Variants in SETBP1 observed in about 807,000 individuals in gnomAD.
SETBP1 encodes SET-binding protein.
SETBP1 carries 9 observed loss-of-function variants against 101.0 expected under a neutral mutation model. The observed-to-expected ratio is 0.09, with a 90% CI of 0.05 to 0.16. The LOEUF is 0.16. Among genes scored for constraint, SETBP1 ranks in the 10% least tolerant of loss-of-function variants. The pLI is 1.00. For missense variants in SETBP1, 1,858 were observed against 2,033.8 expected (o/e 0.91, Z 1.66); for synonymous variants, 818 against 788.5 (o/e 1.04, Z -0.63).
intron 3 of SETBP1, among the ~76,000 whole-genome samples, chr18:44,934,116 A>G (rs977442606): frequency 2.0e-5 from 3 of 149,214 alleles, no homozygotes; most frequent in African/African-American, 7.4e-5. Flanking sequence ...TCTTAACACA[A>G]CCCCATCAGG....
At chr18:44,876,679 C>A (rs1397383511) in intron 3 of SETBP1, 35 of 1,542,126 alleles carry the variant, frequency 2.3e-5, no homozygotes, top group Non-Finnish European at 3.1e-5. Context: ...CCCCCGGAAC[C>A]CATTCCCCGC....
chr18:44,932,781 A>G (rs1170971795), intron 3 of SETBP1, among the ~76,000 whole-genome samples: 2 of 152,100 alleles, frequency 1.3e-5, no homozygotes, highest in Non-Finnish European at 2.9e-5. Flanking sequence ...TGCCATGGTC[A>G]TTTAAGGACT....
intron 4 of SETBP1, among the ~76,000 whole-genome samples, chr18:44,962,618 C>A (rs1010090822): frequency 6.6e-6 from 1 of 152,026 alleles, no homozygotes; most frequent in Non-Finnish European, 1.5e-5. Context: ...AAATCAAAAC[C>A]CATTCTACAA....
At chr18:44,724,037 G>A (rs992800838) in intron 2 of SETBP1, among the ~76,000 whole-genome samples, 4 of 152,142 alleles carry the variant, frequency 2.6e-5, no homozygotes, top group Non-Finnish European at 4.4e-5. Flanking sequence ...CATTGCCAAC[G>A]AAAAAGTCCT....
chr18:44,966,746 T>C (rs1026330003), intron 4 of SETBP1, among the ~76,000 whole-genome samples: 2 of 152,200 alleles, frequency 1.3e-5, no homozygotes, highest in African/African-American at 4.8e-5. Context: ...CGCAGCTTAG[T>C]AGAGCAAAGA....
At chr18:44,708,986 T>C (rs1003828659) in intron 2 of SETBP1, among the ~76,000 whole-genome samples, 6 of 152,230 alleles carry the variant, frequency 3.9e-5, no homozygotes, top group African/African-American at 1.4e-4. Flanking sequence ...TCTAAAATCA[T>C]GGGAGCAAGG....
At chr18:44,909,243 C>T (rs2070246920) in intron 3 of SETBP1, among the ~76,000 whole-genome samples, 1 of 152,200 alleles carries the variant, frequency 6.6e-6, no homozygotes, top group South Asian at 2.1e-4. Context: ...CTGAAAGTGG[C>T]TTGTCTTCAG....
chr18:44,787,070 G>A lies in SETBP1; in HGVS notation c.487-82160G>A, dbSNP rs371173240. ...CTTTGATGCCCTGTCAGTTTTATTC[G>A]GATGGTGTGTAGTAACATAGAAGGG... is the stretch of plus-strand genomic sequence containing the variant. On this transcript the variant is annotated intron_variant, in intron 2 of 5. Transcript: ENST00000649279. Among the ~76,000 whole-genome samples, 195 of 152,238 alleles carry A rather than the reference G, an allele frequency of 1.3e-3. 2 individuals are homozygous for A. The highest frequency in any genetic ancestry group is 4.1e-3 in the African/African-American group (170 of 41,538).
At chr18:45,021,665 T>C (rs1000087346) in intron 4 of SETBP1, among the ~76,000 whole-genome samples, 3 of 152,138 alleles carry the variant, frequency 2.0e-5, no homozygotes, top group Non-Finnish European at 4.4e-5. Context: ...AGAGCAAATA[T>C]ATAAAAATTC....
At chr18:45,023,978 T>A (rs74414707) in intron 4 of SETBP1, among the ~76,000 whole-genome samples, 6,464 of 152,282 alleles carry the variant, frequency 0.042, 453 homozygotes, top group African/African-American at 0.15. Flanking sequence ...CCAAGGACCG[T>A]CTGGCTCCAG....
chr18:44,888,894 A>G (rs1162567312), intron 3 of SETBP1, among the ~76,000 whole-genome samples: 1 of 152,124 alleles, frequency 6.6e-6, no homozygotes, highest in Admixed American at 6.6e-5. Context: ...TATGTTTGAA[A>G]TGGTACCTAC....
At chr18:44,751,547 G>A (rs1424092163) in intron 2 of SETBP1, among the ~76,000 whole-genome samples, 3 of 151,156 alleles carry the variant, frequency 2.0e-5, no homozygotes, top group Non-Finnish European at 4.4e-5. Flanking sequence ...GTTATTTGCA[G>A]GTTTTATTGT....
At chr18:44,912,041 G>A (rs775420395) in intron 3 of SETBP1, among the ~76,000 whole-genome samples, 2 of 152,190 alleles carry the variant, frequency 1.3e-5, no homozygotes, top group Non-Finnish European at 1.5e-5. Flanking sequence ...GAGGAGAAGT[G>A]AGAACCTCCA....
chr18:44,962,976 G>C (rs2071643369), intron 4 of SETBP1, among the ~76,000 whole-genome samples: 1 of 152,176 alleles, frequency 6.6e-6, no homozygotes, highest in Non-Finnish European at 1.5e-5. Flanking sequence ...GCTTTTCAAA[G>C]CGTACTTCCT....
intron 4 of SETBP1, among the ~76,000 whole-genome samples, chr18:45,027,725 G>T (rs576399266): frequency 6.6e-6 from 1 of 152,276 alleles, no homozygotes; most frequent in Non-Finnish European, 1.5e-5. Context: ...TTACACGTGC[G>T]TTAGTTTTCT....
intron 3 of SETBP1, among the ~76,000 whole-genome samples, chr18:44,902,713 T>C (rs1213872588): frequency 6.6e-6 from 1 of 152,238 alleles, no homozygotes; most frequent in Non-Finnish European, 1.5e-5. Context: ...ATATTCTGTC[T>C]CTAGCAGGCA....
intron 4 of SETBP1, among the ~76,000 whole-genome samples, chr18:44,999,316 T>G (rs1041112227): frequency 6.6e-6 from 1 of 152,154 alleles, no homozygotes; most frequent in Non-Finnish European, 1.5e-5. Flanking sequence ...TTCCAGGAAG[T>G]TATGATTTTT....
At chr18:44,734,768 G>T (rs1043330982) in intron 2 of SETBP1, among the ~76,000 whole-genome samples, 2 of 152,090 alleles carry the variant, frequency 1.3e-5, no homozygotes, top group East Asian at 1.9e-4. Context: ...TCCCTCCATT[G>T]TTACGTTTCT....
chr18:44,837,537 A>G (rs1158283133), intron 2 of SETBP1, among the ~76,000 whole-genome samples: 4 of 152,240 alleles, frequency 2.6e-5, no homozygotes, highest in Non-Finnish European at 5.9e-5. Flanking sequence ...GCCCTTGTAC[A>G]TAGTCATCAC....
Sources: gnomAD v4.1 joint callset for allele counts (sites outside exome capture counted in the v4.1 genomes callset) on GRCh38, gnomAD v4.1.1 for gene constraint, MANE v1.5 for transcripts, NCBI Gene and HGNC (gene_info 2026-07-23, HGNC 2026-07-21) for gene names.